EPS8: variants seen among roughly 807,000 people sequenced by gnomAD.
EPS8 encodes the protein EGFR pathway substrate 8, signaling adaptor.
EPS8 carries 42 observed loss-of-function variants against 103.8 expected under a neutral mutation model. That is an observed-to-expected ratio of 0.40 (90% CI 0.32 to 0.52). The LOEUF (loss-of-function observed/expected upper bound fraction) is 0.52. Among genes scored for constraint, EPS8 ranks in the 20% least tolerant of loss-of-function variants. The probability of loss-of-function intolerance (pLI) is 0.40; values close to 1 mark genes in which losing one functional copy is unlikely to be tolerated. For synonymous variants in EPS8, 344 were observed against 344.6 expected, an observed-to-expected ratio of 1.00 and a Z score of 0.02; for missense variants, 969 against 1,005.1, an observed-to-expected ratio of 0.96 and a Z score of 0.49.
At chr12:15,766,430 T>C (rs1591929417) in intron 1 of EPS8, among the ~76,000 whole-genome samples, 1 of 151,666 alleles carries the variant, frequency 6.6e-6, no homozygotes, top group Admixed American at 6.6e-5. Context: ...GAGGCGAAGG[T>C]TGCAGTGAGC....
At chr12:15,624,473 C>T (rs1174907489) in intron 18 of EPS8, 66 bp from the exon 19 acceptor site, 9 of 1,257,454 alleles carry the variant, frequency 7.2e-6, no homozygotes, top group Non-Finnish European at 8.8e-6. Flanking sequence ...TCTCTAGAAC[C>T]CCAATCTCTA....
intron 1 of EPS8, among the ~76,000 whole-genome samples, chr12:15,707,051 C>T (rs1350153963): frequency 6.6e-6 from 1 of 152,164 alleles, no homozygotes; most frequent in Admixed American, 6.5e-5. Context: ...AGCAAAAGAG[C>T]AGGCTAAATA....
At chr12:15,662,340 T>C (rs1411850522) in intron 8 of EPS8, 15 of 1,239,182 alleles carry the variant, frequency 1.2e-5, no homozygotes, top group African/African-American at 1.5e-5. Context: ...ATTTACCTTG[T>C]AATATCACCC....
At chr12:15,646,928 T>C (rs1314433739) in intron 15 of EPS8, among the ~76,000 whole-genome samples, 199 bp downstream of exon 15, 2 of 152,170 alleles carry the variant, frequency 1.3e-5, no homozygotes, top group African/African-American at 2.4e-5. Context: ...TTGCACTAAA[T>C]GGGAATTACA....
At position 15,670,922 on chromosome 12, in the gene EPS8, T is replaced by C. The variant is rs2135852203; in HGVS notation, c.138A>G (p.Glu46=). The C allele has an allele frequency of 6.2e-7, 1 of 1,611,174 alleles. No homozygotes were observed. Among genetic ancestry groups the C allele is most frequent in the Non-Finnish European group, 8.5e-7 (1 of 1,177,796 alleles). The change falls in exon 4 of 21, where the codon GAA becomes GAG. Residue 46 remains glutamate (E), a splice_region_variant and synonymous_variant. Transcript: ENST00000281172. ...GSKTSAKALY[E]QRKNYARDSV... ...TGTCCCGTGCATAATTCTTCCTTTG[T>C]TCTGAAAGAGAAATTGAAAAAGCCA...
Position 15,717,872 on chromosome 12 carries a change from C to A in EPS8, c.-21-34900G>T, listed in dbSNP as rs1328111224. Among the ~76,000 whole-genome samples, 1 of 152,178 alleles carries A rather than the reference C, an allele frequency of 6.6e-6. No individual in the cohort carries two copies. Among genetic ancestry groups the A allele is most frequent in the African/African-American group, 2.4e-5 (1 of 41,448 alleles). On this transcript the variant is annotated intron_variant, in intron 1 of 20. Coordinates refer to ENST00000281172, the MANE Select transcript of EPS8 (RefSeq NM_004447.6). The surrounding 1 kb of genome is among the most constrained non-coding windows in gnomAD (Gnocchi z 4.3). ...GGAATGCATTAAGGGAAACACCACA[C>A]AAACTTATTTGATTATGGATTTTAA...
rs992563744 is a variant in EPS8 at position 15,767,735 on chromosome 12, G to T, written c.-22+21426C>A. Reference sequence around the variant, plus strand: ...TAGAATAAGGAAATTGAAATGGTTGGTGGCAACAGCTCTCCTTCCAGGAAT... The same window carrying T: ...TAGAATAAGGAAATTGAAATGGTTGTTGGCAACAGCTCTCCTTCCAGGAAT... On this transcript the variant is annotated intron_variant, in intron 1 of 20. Coordinates refer to ENST00000281172, the MANE Select transcript of EPS8 (RefSeq NM_004447.6). The surrounding 1 kb of genome is among the most constrained non-coding windows in gnomAD (Gnocchi z 5.5). Among the ~76,000 whole-genome samples, 7 of 152,174 alleles carry T rather than the reference G, an allele frequency of 4.6e-5. No homozygotes were observed. The highest frequency in any genetic ancestry group is 8.8e-5 in the Non-Finnish European group (6 of 68,026).
At chr12:15,642,920 C>T (rs995749283) in intron 15 of EPS8, among the ~76,000 whole-genome samples, 7 of 152,130 alleles carry the variant, frequency 4.6e-5, no homozygotes, top group Non-Finnish European at 8.8e-5. Flanking sequence ...CAGTATAGAA[C>T]ACCTTACAGA....
Position 15,780,431 on chromosome 12 carries a change from T to A in EPS8, c.-22+8730A>T, listed in dbSNP as rs1247738987. 1 of 151,128 alleles carries A rather than the reference T, an allele frequency of 6.6e-6. No homozygotes were observed. Among genetic ancestry groups the A allele is most frequent in the Non-Finnish European group, 1.5e-5 (1 of 68,068 alleles). The allele number at this position is 151,128 out of a possible 1,614,324, so 9.4% of individuals were successfully genotyped here. A position where few individuals can be genotyped will look rare whatever the true frequency, so the allele number is the denominator to read the frequency against. On this transcript the variant is annotated intron_variant, in intron 1 of 20. Coordinates refer to ENST00000281172, the MANE Select transcript of EPS8 (RefSeq NM_004447.6). This position sits in a 1 kb window ranked among gnomAD's most constrained non-coding sequence, Gnocchi z 4.1. ...TCACCTTCCCCAGTAAAGACTTTTC[T>A]GACTCCCTCGGCCACAGTGAGGCTC...
rs1349323840 is a variant in EPS8, at chr12:15,658,527, G to C, written c.996C>G (p.Phe332Leu). 6.2e-7 allele frequency: 1 copy of C among 1,612,590 alleles called. No homozygotes were observed. The highest frequency in any genetic ancestry group is 8.5e-7 in the Non-Finnish European group (1 of 1,178,940). ...PPPPDEFLDC[F>L]QKFKHGFNLL... is the part of the protein sequence containing the mutation. ...GGTTAAATCCGTGTTTAAACTTTTG[G>C]AAACAGTCAAGAAATTCATCAGGAG... The change falls in exon 11 of 21, where the codon TTC becomes TTG. Residue 332 changes from phenylalanine (F) to leucine (L), a missense_variant. Coordinates refer to ENST00000281172, the MANE Select transcript of EPS8 (RefSeq NM_004447.6).
Position 15,697,577 on chromosome 12 carries a change from A to C in EPS8, c.-21-14605T>G, listed in dbSNP as rs148791514. ...CATGTTCACTGTCAAAGAGGTAATT[A>C]ATAGTAGATGTGGGATAAAATTCAA... On this transcript the variant is annotated intron_variant, in intron 1 of 20. Transcript: ENST00000281172. This position sits in a 1 kb window ranked among gnomAD's most constrained non-coding sequence, Gnocchi z 5.6. Among the ~76,000 whole-genome samples the C allele has an allele frequency of 3.3e-3, 505 of 152,364 alleles. 1 individual carries two copies. Among genetic ancestry groups the C allele is most frequent in the African/African-American group, 0.011 (458 of 41,594 alleles).
At chr12:15,651,243 G>A (rs534928765) in intron 13 of EPS8, among the ~76,000 whole-genome samples, 4 of 152,312 alleles carry the variant, frequency 2.6e-5, no homozygotes, top group African/African-American at 9.6e-5. Flanking sequence ...TGCATGATCT[G>A]TTTTCCCAAC....
chr12:15,667,218 C>T (rs1432919510), intron 6 of EPS8, among the ~76,000 whole-genome samples: 1 of 152,062 alleles, frequency 6.6e-6, no homozygotes, highest in Non-Finnish European at 1.5e-5. Context: ...TTTGGGCCTC[C>T]CTGTTCTCTG....
intron 4 of EPS8, 49 bp downstream of exon 4, chr12:15,670,807 T>G (rs1335238093): frequency 2.4e-6 from 3 of 1,252,644 alleles, no homozygotes; most frequent in Non-Finnish European, 1.1e-6. Context: ...CCAATTTTTA[T>G]GTTCCTCAAG....
chr12:15,655,205 A>G (rs1050425289), intron 12 of EPS8, among the ~76,000 whole-genome samples: 45 of 152,040 alleles, frequency 3.0e-4, no homozygotes, highest in African/African-American at 9.4e-4. Flanking sequence ...TCAGAACTCT[A>G]CTCAGGTCCC....
chr12:15,727,664 C>A lies in EPS8; in HGVS notation c.-21-44692G>T, dbSNP rs1287088791. 1.3e-5 allele frequency among the ~76,000 whole-genome samples: 2 copies of A among 152,148 alleles called. No homozygotes were observed. Among genetic ancestry groups the A allele is most frequent in the East Asian group, 3.9e-4 (2 of 5,192 alleles). On this transcript the variant is annotated intron_variant, in intron 1 of 20. Coordinates refer to ENST00000281172, the MANE Select transcript of EPS8 (RefSeq NM_004447.6). The surrounding 1 kb of genome is among the most constrained non-coding windows in gnomAD (Gnocchi z 4.3). ...CACGAGGTCAGGAGTTCGAGACCAG[C>A]CTGACCAACACGGTGAAACCCCGTC...
chr12:15,625,410 C>A (rs2135714561), intron 18 of EPS8, among the ~76,000 whole-genome samples: 1 of 152,286 alleles, frequency 6.6e-6, no homozygotes, highest in East Asian at 1.9e-4. Context: ...TTAAACAAGT[C>A]CTTTTTACCA....
chr12:15,681,204 C>A, intron 3 of EPS8, 22 bp downstream of exon 3: 1 of 1,308,242 alleles, frequency 7.6e-7, no homozygotes, highest in Non-Finnish European at 1.1e-6. Context: ...AAAATTATAC[C>A]CTATCAAATA....
At chr12:15,652,180 C>A (rs1174336337) in intron 13 of EPS8, among the ~76,000 whole-genome samples, 1 of 152,254 alleles carries the variant, frequency 6.6e-6, no homozygotes, top group East Asian at 1.9e-4. Context: ...ATGGATGGAA[C>A]TGGAGGTTAT....
Sources: gnomAD v4.1 joint callset for allele counts (sites outside exome capture counted in the v4.1 genomes callset) on GRCh38, gnomAD v4.1.1 for gene constraint, Gnocchi (gnomAD v3.1) non-coding constraint, MANE v1.5 for transcripts, NCBI Gene and HGNC (gene_info 2026-07-23, HGNC 2026-07-21) for gene names.